Variants in USP32 observed in about 807,000 individuals in gnomAD.
USP32 encodes ubiquitin carboxyl-terminal hydrolase 32.
USP32 carries 59 observed loss-of-function variants against 204.8 expected under a neutral mutation model. The observed-to-expected ratio is 0.29, with a 90% CI of 0.23 to 0.36. The LOEUF (loss-of-function observed/expected upper bound fraction) is 0.36, where lower values mean the gene tolerates loss of function less well. USP32 is among the 10% of genes least tolerant of loss of function. The pLI is 1.00. For missense variants in USP32, 1,160 were observed against 1,946.4 expected (o/e 0.60, Z 7.60); for synonymous variants, 517 against 678.4 (o/e 0.76, Z 3.70).
At chr17:60,216,237 C>A in intron 16 of USP32, among the ~76,000 whole-genome samples, 1 of 143,228 alleles carries the variant, frequency 7.0e-6, no homozygotes, top group South Asian at 2.2e-4. Context: ...CTACATACTT[C>A]AAAAGAGGAG....
At chr17:60,346,776 T>C (rs2088796597) in intron 1 of USP32, among the ~76,000 whole-genome samples, 1 of 152,184 alleles carries the variant, frequency 6.6e-6, no homozygotes, top group South Asian at 2.1e-4. Context: ...TTACATTAAA[T>C]TTTAAAGGCT....
intron 7 of USP32, among the ~76,000 whole-genome samples, chr17:60,268,261 A>T (rs934964473): frequency 1.3e-5 from 2 of 152,164 alleles, no homozygotes; most frequent in Non-Finnish European, 2.9e-5. Context: ...TTTTTAAGAC[A>T]ACAATTAACT....
At chr17:60,337,669 G>A (rs547145979) in intron 2 of USP32, among the ~76,000 whole-genome samples, 1 of 152,200 alleles carries the variant, frequency 6.6e-6, no homozygotes, top group Admixed American at 6.5e-5. Context: ...TTGAGCCTAA[G>A]AGTTTGTGAC....
At chr17:60,204,080 A>T (rs193156713) in intron 26 of USP32, among the ~76,000 whole-genome samples, 1 of 152,144 alleles carries the variant, frequency 6.6e-6, no homozygotes, top group Admixed American at 6.5e-5. Context: ...TTTTTTACCA[A>T]AGAGTCAACC....
intron 33 of USP32, among the ~76,000 whole-genome samples, chr17:60,180,003 G>A (rs1243394950): frequency 6.6e-6 from 1 of 151,542 alleles, no homozygotes; most frequent in African/African-American, 2.4e-5. Flanking sequence ...CTAGAAGATA[G>A]GAGTTTTTGC....
chr17:60,386,840 A>T (rs2089740601), intron 1 of USP32, among the ~76,000 whole-genome samples: 1 of 152,224 alleles, frequency 6.6e-6, no homozygotes, highest in Non-Finnish European at 1.5e-5. Flanking sequence ...TACGAACTAA[A>T]GATTAGTGAG....
intron 11 of USP32, 135 bp downstream of exon 11, chr17:60,252,246 C>G: frequency 1.3e-6 from 1 of 744,762 alleles, no homozygotes; most frequent in South Asian, 2.1e-5. Context: ...GGTACTTTAA[C>G]AAAAATATTT....
chr17:60,202,956 G>A (rs1280134068), intron 26 of USP32, among the ~76,000 whole-genome samples: 2 of 150,084 alleles, frequency 1.3e-5, no homozygotes, highest in Non-Finnish European at 2.9e-5. Context: ...TATATGAAGA[G>A]GCAGGGATTG....
intron 11 of USP32, among the ~76,000 whole-genome samples, chr17:60,239,542 T>C (rs936886489): frequency 2.0e-5 from 3 of 152,194 alleles, no homozygotes; most frequent in Admixed American, 6.5e-5. Context: ...ATAATTTCAA[T>C]GGACTTTTAT....
At chr17:60,204,770 TTTTCTTTC>T (rs1178467534) in intron 26 of USP32, among the ~76,000 whole-genome samples, 2 of 148,104 alleles carry the variant, frequency 1.4e-5, no homozygotes, top group African/African-American at 5.0e-5. Context: ...CACCTGGCCA[TTTTCTTTC>T]TTTCTTTCTT....
chr17:60,334,214 T>C (rs2088459240), intron 2 of USP32, among the ~76,000 whole-genome samples: 1 of 152,164 alleles, frequency 6.6e-6, no homozygotes. Flanking sequence ...TATGCAGTTA[T>C]GGTTTAATAT....
chr17:60,207,084 A>G lies in USP32; in HGVS notation c.2974T>C (p.Leu992=). The part of the protein sequence containing the change: ...QKVRLSVSGF[L]CAFEIPVPVS... ...GGGACAGGAATTTCAAATGCACACA[A>G]AAATCCACTCACTGAGAGTCGTACT... is the stretch of plus-strand genomic sequence containing the variant. Residue 992 remains leucine (L), a synonymous_variant, in exon 25 of 34, where the codon TTG becomes CTG. Coordinates refer to ENST00000300896, the MANE Select transcript of USP32 (RefSeq NM_032582.4). 1 of 1,613,358 alleles carries G rather than the reference A, an allele frequency of 6.2e-7. No individual in the cohort carries two copies. The highest frequency in any genetic ancestry group is 8.5e-7 in the Non-Finnish European group (1 of 1,179,510).
At chr17:60,253,585 G>A (rs2086221227) in intron 10 of USP32, among the ~76,000 whole-genome samples, 2 of 152,100 alleles carry the variant, frequency 1.3e-5, no homozygotes, top group South Asian at 4.2e-4. Flanking sequence ...GGCCAACATG[G>A]TGAAACCTCG....
intron 1 of USP32, among the ~76,000 whole-genome samples, chr17:60,407,835 C>T (rs1239101403): frequency 2.0e-5 from 3 of 147,098 alleles, no homozygotes; most frequent in East Asian, 2.0e-4. Context: ...CAGTGGCTCA[C>T]GCATGTAATT....
At position 60,345,500 on chromosome 17, in the gene USP32, A is replaced by G; in HGVS notation, c.167T>C (p.Val56Ala). 6.2e-7 allele frequency: 1 copy of G among 1,614,158 alleles called. No homozygotes were observed. The highest frequency in any genetic ancestry group is 2.2e-5 in the East Asian group (1 of 44,886). The change falls in exon 2 of 34, where the codon GTG becomes GCG. Residue 56 changes from valine (V) to alanine (A), a missense_variant. By Grantham distance (64) the Val-to-Ala change is moderately conservative. Coordinates refer to ENST00000300896, the MANE Select transcript of USP32 (RefSeq NM_032582.4). The part of the protein sequence containing the change: ...CFIREVLGDG[V>A]PPKVAEVIYC... ...GATTACCTCAGCAACCTTTGGAGGC[A>G]CTCCATCCCCAAGCACTTCCCGGAT...
In USP32 at chr17:60,269,362, C is replaced by A. The variant is rs528436178; in HGVS notation, c.811+88G>T. 116 of 977,602 alleles carry A rather than the reference C, an allele frequency of 1.2e-4. 1 individual carries two copies. The highest frequency in any genetic ancestry group is 1.1e-3 in the Middle Eastern group (5 of 4,706). 60.6% of individuals were successfully genotyped at this position (977,602 alleles called of 1,614,324 possible). A position where few individuals can be genotyped will look rare whatever the true frequency, so the allele number is the denominator to read the frequency against. The stretch of plus-strand genomic sequence containing the variant: ...TCTGACAAAGTTATAAAAATTCAAG[C>A]CTTAATCCACAGATAATTTTACATT... On this transcript the variant is annotated intron_variant, in intron 7 of 33. Transcript: ENST00000300896.
intron 2 of USP32, among the ~76,000 whole-genome samples, chr17:60,325,677 A>G (rs944218559): frequency 2.0e-5 from 3 of 152,152 alleles, no homozygotes; most frequent in African/African-American, 7.2e-5. Context: ...CTATAACCCC[A>G]GCACTTTTGG....
chr17:60,397,770 A>T (rs2089909603), intron 1 of USP32, among the ~76,000 whole-genome samples: 1 of 152,178 alleles, frequency 6.6e-6, no homozygotes, highest in Non-Finnish European at 1.5e-5. Flanking sequence ...TTTGATCAAT[A>T]ACTATTATCC....
chr17:60,395,790 C>T (rs999977758), upstream of USP32, among the ~76,000 whole-genome samples: 2 of 152,130 alleles, frequency 1.3e-5, no homozygotes, highest in Non-Finnish European at 2.9e-5. Context: ...ACAGAAATGA[C>T]AAGTGTTTTC....
Sources: gnomAD v4.1 joint callset for allele counts (sites outside exome capture counted in the v4.1 genomes callset) on GRCh38, gnomAD v4.1.1 for gene constraint, MANE v1.5 for transcripts, NCBI Gene and HGNC (gene_info 2026-07-23, HGNC 2026-07-21) for gene names.